PLXNA2: variants seen among roughly 807,000 people sequenced by gnomAD.
PLXNA2 encodes plexin-A2.
A neutral mutation model predicts 193.5 loss-of-function variants in PLXNA2; 91 were observed. The observed-to-expected ratio is 0.47, with a 90% CI of 0.40 to 0.56. The LOEUF is 0.56. PLXNA2 is among the 20% of genes least tolerant of loss of function. The pLI, the probability that PLXNA2 is intolerant of heterozygous loss-of-function variation, is 0.00. For missense variants in PLXNA2, 1,995 were observed against 2,503.2 expected (o/e 0.80, Z 4.33); for synonymous variants, 997 against 1,027.3 (o/e 0.97, Z 0.56).
chr1:208,039,933 T>G (rs1664810968), intron 23 of PLXNA2, 59 bp downstream of exon 23: 8 of 1,590,864 alleles, frequency 5.0e-6, no homozygotes, highest in Non-Finnish European at 6.9e-6. Flanking sequence ...GTGGCCAGGA[T>G]CTAAGCAGCA....
Position 208,043,721 on chromosome 1 carries a change from C to T in PLXNA2, c.3875-518G>A, listed in dbSNP as rs571012892. 8.0e-4 allele frequency among the ~76,000 whole-genome samples: 122 copies of T among 152,350 alleles called. 3 individuals carry two copies. In the South Asian group the frequency reaches 0.025, roughly 31 times the overall value. ...TGGTGGCACACCTGTCTTCCTGGCT[C>T]CTTCCTCTGCCAAACTCACCAGCCC... On this transcript the variant is annotated intron_variant, in intron 20 of 31. Coordinates refer to ENST00000367033, the MANE Select transcript of PLXNA2 (RefSeq NM_025179.4).
chr1:208,201,941 C>T (rs1670564386), intron 3 of PLXNA2, among the ~76,000 whole-genome samples: 1 of 151,480 alleles, frequency 6.6e-6, no homozygotes, highest in South Asian at 2.1e-4. Context: ...TGTCTGACTT[C>T]CCACATTCAG....
Position 208,023,483 on chromosome 1 carries a change from A to G in PLXNA2, c.*3760T>C, listed in dbSNP as rs1016804881. 2.6e-5 allele frequency: 4 copies of G among 152,698 alleles called. No individual in the cohort carries two copies. The highest frequency in any genetic ancestry group is 9.7e-5 in the African/African-American group (4 of 41,434). 9.5% of individuals were successfully genotyped at this position (152,698 alleles called of 1,614,324 possible). A position where few individuals can be genotyped will look rare whatever the true frequency, so the allele number is the denominator to read the frequency against. ...AGCAGGGCCAGGGGTCTTGACTGCT[A>G]TTTCCTGTCCTCATTTGGTGGAACT... On this transcript the variant is annotated 3_prime_UTR_variant, in exon 32 of 32. Transcript: ENST00000367033.
intron 26 of PLXNA2, among the ~76,000 whole-genome samples, chr1:208,035,527 G>T (rs1036149782): frequency 2.6e-5 from 4 of 152,200 alleles, no homozygotes; most frequent in African/African-American, 9.6e-5. Flanking sequence ...GGGCGGATAA[G>T]TGAGGAGCCA....
Position 208,031,682 on chromosome 1 carries a change from C to T in PLXNA2, c.5133G>A (p.Leu1711=), listed in dbSNP as rs765008364. 3.7e-6 allele frequency: 6 copies of T among 1,613,508 alleles called. No individual in the cohort carries two copies. The South Asian group carries it at 5.5e-5, about 15-fold the overall frequency. The change falls in exon 29 of 32, where the codon CTG becomes CTA. Residue 1711 remains leucine, a synonymous_variant. Coordinates refer to ENST00000367033, the MANE Select transcript of PLXNA2 (RefSeq NM_025179.4). The part of the protein sequence containing the change: ...STVHRGSALP[L]AIKYMFDFLD... ...GGAAATCAAACATGTACTTGATGGCCAGGGGGAGAGCGCTGCCCCGGTGCA... is the reference window on the plus strand; with the variant it reads ...GGAAATCAAACATGTACTTGATGGCTAGGGGGAGAGCGCTGCCCCGGTGCA...
intron 26 of PLXNA2, among the ~76,000 whole-genome samples, chr1:208,037,172 G>T: frequency 6.6e-6 from 1 of 152,134 alleles, no homozygotes; most frequent in Non-Finnish European, 1.5e-5. Context: ...GGAGCCCAAG[G>T]TGCAGAGAGA....
chr1:208,212,633 C>T (rs1670998939), intron 2 of PLXNA2, among the ~76,000 whole-genome samples: 1 of 152,132 alleles, frequency 6.6e-6, no homozygotes, highest in South Asian at 2.1e-4. Flanking sequence ...TGGCAATTGG[C>T]AGAGGCTACA....
chr1:208,185,181 A>C (rs1397556245), intron 3 of PLXNA2, among the ~76,000 whole-genome samples: 1 of 152,132 alleles, frequency 6.6e-6, no homozygotes. Context: ...GAACCGTTCA[A>C]AGGAAAACTC....
Position 208,217,678 on chromosome 1 carries a change from G to A in PLXNA2, c.245C>T (p.Ala82Val), listed in dbSNP as rs201889146. 2.5e-5 allele frequency: 40 copies of A among 1,614,230 alleles called. No individual in the cohort carries two copies. The highest frequency in any genetic ancestry group is 2.0e-4 in the East Asian group (9 of 44,880). Residue 82 changes from alanine (A) to valine (V), a missense_variant, in exon 2 of 32, where the codon GCT (alanine) becomes GTT (valine). By Grantham distance (64) the Ala-to-Val change is moderately conservative. Transcript: ENST00000367033. This position sits in a 1 kb window ranked among gnomAD's most constrained non-coding sequence, Gnocchi z 4.7. ...GTCCTCTTCTGGCCCTGTCTTATGA[G>A]CCACCTGGATGGTCAGGTTGCCTGT... ...KLTGNLTIQVAHKTGPEEDNK... is the reference protein window; with the variant it reads ...KLTGNLTIQVVHKTGPEEDNK...
intron 4 of PLXNA2, among the ~76,000 whole-genome samples, chr1:208,117,724 A>T (rs1667682214): frequency 1.3e-5 from 2 of 151,694 alleles, no homozygotes; most frequent in Admixed American, 6.6e-5. Context: ...ATTCCAGTTC[A>T]TGTGAGAAAG....
At position 208,096,849 on chromosome 1, in the gene PLXNA2, G is replaced by C; in HGVS notation, c.1766C>G (p.Ser589Cys). 6.2e-7 allele frequency: 1 copy of C among 1,614,036 alleles called. No individual in the cohort carries two copies. Among genetic ancestry groups the C allele is most frequent in the South Asian group, 1.1e-5 (1 of 91,072 alleles). ...CCCAAAGGCACAGGCGATACCCGCA[G>C]ATAGATCAGGAGCATCACTCACTAC... The part of the protein sequence containing the change: ...SLVVSDAPDL[S>C]AGIACAFGNL... Residue 589 changes from serine to cysteine, a missense_variant, in exon 7 of 32, where the codon TCT (serine) becomes TGT (cysteine). This residue lies in a region of PLXNA2 where 702 missense variants were observed against 812.9 expected (regional missense o/e 0.86). Transcript: ENST00000367033.
intron 3 of PLXNA2, among the ~76,000 whole-genome samples, chr1:208,176,906 T>C (rs1669677275): frequency 6.6e-6 from 1 of 152,200 alleles, no homozygotes; most frequent in Non-Finnish European, 1.5e-5. Context: ...GAACCACTCA[T>C]AGTCCCCTGA....
At position 208,227,309 on chromosome 1, in the gene PLXNA2, C is replaced by A. The variant is rs576627935; in HGVS notation, c.-80-9307G>T. On this transcript the variant is annotated intron_variant, in intron 1 of 31. Coordinates refer to ENST00000367033, the MANE Select transcript of PLXNA2 (RefSeq NM_025179.4). ...GCTACATGACACGCTATGCTACATGCCCTGTATATGCTATCCATAGTTGTG... is the reference window on the plus strand; with the variant it reads ...GCTACATGACACGCTATGCTACATGACCTGTATATGCTATCCATAGTTGTG... Among the ~76,000 whole-genome samples the A allele has an allele frequency of 8.0e-4, 122 of 152,230 alleles. 3 individuals are homozygous for A. In the South Asian group the frequency reaches 0.024, roughly 30 times the overall value.
At chr1:208,181,552 C>T (rs1669842940) in intron 3 of PLXNA2, among the ~76,000 whole-genome samples, 1 of 152,232 alleles carries the variant, frequency 6.6e-6, no homozygotes, top group Non-Finnish European at 1.5e-5. Flanking sequence ...GCTCCACCTC[C>T]CGTCAGCCCT....
intron 20 of PLXNA2, among the ~76,000 whole-genome samples, chr1:208,043,545 G>A (rs931229176): frequency 6.6e-6 from 1 of 152,198 alleles, no homozygotes; most frequent in African/African-American, 2.4e-5. Flanking sequence ...ATGGCTGAGG[G>A]GGTCCAGCAA....
chr1:208,078,820 G>T (rs1028111627), intron 12 of PLXNA2, among the ~76,000 whole-genome samples: 1 of 152,164 alleles, frequency 6.6e-6, no homozygotes, highest in African/African-American at 2.4e-5. Flanking sequence ...CTAATGTAGT[G>T]CCTGCCTTTA....
chr1:208,053,692 C>T (rs917632322), intron 14 of PLXNA2, among the ~76,000 whole-genome samples: 1 of 152,180 alleles, frequency 6.6e-6, no homozygotes, highest in Non-Finnish European at 1.5e-5. Context: ...AGAAGAGAGA[C>T]TTCGGGGCCG....
intron 3 of PLXNA2, among the ~76,000 whole-genome samples, chr1:208,164,551 A>G (rs1669234718): frequency 6.6e-6 from 1 of 152,230 alleles, no homozygotes; most frequent in Non-Finnish European, 1.5e-5. Context: ...ATTTGGAGGG[A>G]AAAGGGAAGA....
At position 208,044,828 on chromosome 1, in the gene PLXNA2, G is replaced by T; in HGVS notation, c.3640-86C>A. 1 of 1,134,018 alleles carries T rather than the reference G, an allele frequency of 8.8e-7. No individual in the cohort carries two copies. 70.2% of individuals were successfully genotyped at this position (1,134,018 alleles called of 1,614,324 possible). A position where few individuals can be genotyped will look rare whatever the true frequency, so the allele number is the denominator to read the frequency against. On this transcript the variant is annotated intron_variant, in intron 19 of 31. Transcript: ENST00000367033. This position sits in a 1 kb window ranked among gnomAD's most constrained non-coding sequence, Gnocchi z 4.9. ...CAGCAGATCCTTACAGTGCGAGGAAGGACATGACAGACCACAACCACACAG... is the reference window on the plus strand; with the variant it reads ...CAGCAGATCCTTACAGTGCGAGGAATGACATGACAGACCACAACCACACAG...
Sources: allele counts gnomAD v4.1 joint callset (sites outside exome capture counted in the v4.1 genomes callset), GRCh38; gene constraint gnomAD v4.1.1; regional missense constraint gnomAD v4.1.1; non-coding constraint Gnocchi (gnomAD v3.1); transcripts MANE v1.5; gene names NCBI Gene and HGNC (gene_info 2026-07-23, HGNC 2026-07-21).